Variants in TTC7A observed in about 807,000 individuals in gnomAD.
TTC7A encodes tetratricopeptide repeat protein 7A.
A neutral mutation model predicts 103.7 loss-of-function variants in TTC7A; 110 were observed. The ratio of observed to expected loss-of-function variants is 1.06; its 90% CI spans 0.91 to 1.24. The LOEUF is 1.24. TTC7A is among the 50% of genes most tolerant of loss of function. The pLI, the probability that TTC7A is intolerant of heterozygous loss-of-function variation, is 0.00. For synonymous variants in TTC7A, 521 were observed against 467.9 expected (o/e 1.11, Z -1.47); for missense variants, 1,340 against 1,116.3 (o/e 1.20, Z -2.86).
intron 2 of TTC7A, among the ~76,000 whole-genome samples, chr2:46,955,215 C>T (rs576324576): frequency 2.0e-4 from 31 of 151,244 alleles, no homozygotes; most frequent in Non-Finnish European, 4.0e-4. Flanking sequence ...ACGAGGAAGA[C>T]GCAGCCCGAG....
chr2:46,952,663 G>A (rs1378774879), intron 2 of TTC7A, among the ~76,000 whole-genome samples: 2 of 152,122 alleles, frequency 1.3e-5, no homozygotes, highest in Non-Finnish European at 1.5e-5. Context: ...GCGGCTGGAG[G>A]GTCACTTGAG....
intron 16 of TTC7A, among the ~76,000 whole-genome samples, chr2:47,047,730 C>G (rs1480665862): frequency 6.6e-6 from 1 of 152,228 alleles, no homozygotes; most frequent in African/African-American, 2.4e-5. Context: ...GCCTTGTCTC[C>G]CAGCATTGAA....
chr2:47,044,497 T>C (rs1009942785), intron 15 of TTC7A, among the ~76,000 whole-genome samples: 1 of 152,188 alleles, frequency 6.6e-6, no homozygotes, highest in Non-Finnish European at 1.5e-5. Context: ...CTGCCAGCTG[T>C]GCACTCAGGT....
Position 47,007,257 on chromosome 2 carries a change from G to A in TTC7A, c.1287+533G>A, listed in dbSNP as rs1028937615. 2.6e-5 allele frequency among the ~76,000 whole-genome samples: 4 copies of A among 152,012 alleles called. No homozygotes were observed. The highest frequency in any genetic ancestry group is 1.3e-4 in the Admixed American group (2 of 15,286). On this transcript the variant is annotated intron_variant, in intron 10 of 19. Coordinates refer to ENST00000319190, the MANE Select transcript of TTC7A (RefSeq NM_020458.4). The surrounding 1 kb of genome is among the most constrained non-coding windows in gnomAD (Gnocchi z 4.9). ...CACCTGCATGGGGACAGGGCCTGGCGGGACGCTGCCCGGAGCAAGGAGCAC... is the reference window on the plus strand; with the variant it reads ...CACCTGCATGGGGACAGGGCCTGGCAGGACGCTGCCCGGAGCAAGGAGCAC...
At chr2:46,989,450 G>A (rs1022976034) in intron 5 of TTC7A, among the ~76,000 whole-genome samples, 3 of 152,238 alleles carry the variant, frequency 2.0e-5, no homozygotes, top group African/African-American at 7.2e-5. Context: ...CTTCAGAGCT[G>A]GGACGGGATT....
At chr2:47,020,045 C>T (rs985705515) in intron 11 of TTC7A, among the ~76,000 whole-genome samples, 1 of 152,208 alleles carries the variant, frequency 6.6e-6, no homozygotes, top group Non-Finnish European at 1.5e-5. Context: ...ACAGTGGGGC[C>T]TTAACTAGGG....
In TTC7A at chr2:46,956,871, G is replaced by C; in HGVS notation, c.381G>C (p.Leu127=). 1 of 1,614,198 alleles carries C rather than the reference G, an allele frequency of 6.2e-7. No individual in the cohort carries two copies. The highest frequency in any genetic ancestry group is 2.2e-5 in the East Asian group (1 of 44,888). The part of the protein sequence containing the change: ...PQYMCEAMLI[L]GKLHYVEGSY... The stretch of plus-strand genomic sequence containing the variant: ...ACATGTGTGAGGCCATGCTGATCCT[G>C]GGCAAACTGCATTACGTGGAGGGCT... Residue 127 remains leucine, a synonymous_variant, in exon 3 of 20, where the codon CTG becomes CTC. Transcript: ENST00000319190.
At chr2:47,047,121 T>A in intron 16 of TTC7A, 1 of 615,974 alleles carries the variant, frequency 1.6e-6, no homozygotes, top group Non-Finnish European at 2.9e-6. Context: ...GCTTAGCCTA[T>A]GTGGCCCAAA....
intron 3 of TTC7A, among the ~76,000 whole-genome samples, chr2:46,958,294 C>T (rs1378543543): frequency 1.3e-5 from 2 of 152,246 alleles, no homozygotes; most frequent in South Asian, 4.1e-4. Context: ...GCTCTCTCAT[C>T]CCCCGCTCTG....
intron 8 of TTC7A, among the ~76,000 whole-genome samples, chr2:47,001,686 G>A (rs57154346): frequency 0.12 from 18,543 of 151,902 alleles, 1,561 homozygotes; most frequent in African/African-American, 0.24. Context: ...GTGAAGCCCC[G>A]TCTCTACTAG....
intron 2 of TTC7A, among the ~76,000 whole-genome samples, chr2:46,931,256 T>A (rs1046514729): frequency 2.6e-5 from 4 of 152,160 alleles, no homozygotes; most frequent in African/African-American, 7.2e-5. Flanking sequence ...TTAAAAAAAA[T>A]TTTCTTTTAA....
At chr2:46,985,671 G>A (rs182006400) in intron 5 of TTC7A, among the ~76,000 whole-genome samples, 10 of 152,312 alleles carry the variant, frequency 6.6e-5, no homozygotes, top group East Asian at 1.9e-4. Flanking sequence ...TGAGCCTGGT[G>A]CTGAAGCTGG....
At position 47,074,359 on chromosome 2, in the gene TTC7A, A is replaced by C. The variant is rs1426564761; in HGVS notation, c.*436A>C. 1 of 163,740 alleles carries C rather than the reference A, an allele frequency of 6.1e-6. No homozygotes were observed. Among genetic ancestry groups the C allele is most frequent in the Non-Finnish European group, 1.3e-5 (1 of 75,296 alleles). 10.1% of individuals were successfully genotyped at this position (163,740 alleles called of 1,614,324 possible). A position where few individuals can be genotyped will look rare whatever the true frequency, so the allele number is the denominator to read the frequency against. ...GTGAAGAAACTGCGGGCAAGTGGGA[A>C]GACTATGAGATTTCTGGGTTCCCTT... On this transcript the variant is annotated 3_prime_UTR_variant, in exon 20 of 20. Transcript: ENST00000319190.
Position 47,038,657 on chromosome 2 carries a change from C to T in TTC7A, c.1803-7658C>T, listed in dbSNP as rs1460788397. On this transcript the variant is annotated intron_variant, in intron 15 of 19. Coordinates refer to ENST00000319190, the MANE Select transcript of TTC7A (RefSeq NM_020458.4). ...CACCCACCCTCCCCCCACCCACCCCCCCGACACACAGAGGGTTCCCAGAAT... is the reference window on the plus strand; with the variant it reads ...CACCCACCCTCCCCCCACCCACCCCTCCGACACACAGAGGGTTCCCAGAAT... Among the ~76,000 whole-genome samples the T allele has an allele frequency of 6.3e-5, 5 of 79,840 alleles. No homozygotes were observed. The East Asian group carries it at 1.0e-3, about 16-fold the overall frequency. 52.4% of individuals were successfully genotyped at this position (79,840 alleles called of 152,430 possible). A position where few individuals can be genotyped will look rare whatever the true frequency, so the allele number is the denominator to read the frequency against.
chr2:47,051,990 C>T, intron 18 of TTC7A, 110 bp downstream of exon 18: 1 of 1,393,342 alleles, frequency 7.2e-7, no homozygotes, highest in Non-Finnish European at 9.6e-7. Flanking sequence ...CCTTGCTAGG[C>T]CCACGCGGGT....
chr2:46,976,020 T>C (rs1474877500), intron 4 of TTC7A, among the ~76,000 whole-genome samples: 1 of 152,180 alleles, frequency 6.6e-6, no homozygotes, highest in African/African-American at 2.4e-5. Context: ...TACAGGCCCG[T>C]GCCCAGCCTC....
At chr2:47,049,533 C>A (rs1682657019) in intron 16 of TTC7A, among the ~76,000 whole-genome samples, 1 of 152,012 alleles carries the variant, frequency 6.6e-6, no homozygotes, top group Non-Finnish European at 1.5e-5. Context: ...CATCCGGGCC[C>A]TTTTTCCATA....
At chr2:47,047,298 C>G (rs1295893564) in intron 16 of TTC7A, 7 of 1,549,946 alleles carry the variant, frequency 4.5e-6, no homozygotes, top group African/African-American at 2.7e-5. Context: ...TTCCAGACTC[C>G]CCAGAGGAAC....
chr2:46,946,125 C>G (rs957571083), intron 1 of TTC7A, among the ~76,000 whole-genome samples: 4 of 152,176 alleles, frequency 2.6e-5, no homozygotes, highest in Non-Finnish European at 5.9e-5. Context: ...GCACTGAGGC[C>G]TTCCAGACAC....
Sources: allele counts gnomAD v4.1 joint callset (sites outside exome capture counted in the v4.1 genomes callset), GRCh38; gene constraint gnomAD v4.1.1; non-coding constraint Gnocchi (gnomAD v3.1); transcripts MANE v1.5; gene names NCBI Gene and HGNC (gene_info 2026-07-23, HGNC 2026-07-21).